Variants in CNTNAP2 observed in about 807,000 individuals in gnomAD.
CNTNAP2 encodes contactin-associated protein-like 2.
Under a neutral mutation model 155.2 loss-of-function variants are expected in CNTNAP2, and 98 were observed. That is an observed-to-expected ratio of 0.63 (90% CI 0.54 to 0.75). The LOEUF (loss-of-function observed/expected upper bound fraction) is 0.75. Ranked by LOEUF, CNTNAP2 falls within the 30% of genes least tolerant of loss-of-function variation. The probability of loss-of-function intolerance (pLI) is 0.00; values close to 1 mark genes in which losing one functional copy is unlikely to be tolerated. For missense variants in CNTNAP2, 1,727 were observed against 1,688.1 expected (o/e 1.02, Z -0.40); for synonymous variants, 651 against 631.2 (o/e 1.03, Z -0.47).
At chr7:147,003,666 G>A (rs541914732) in intron 3 of CNTNAP2, among the ~76,000 whole-genome samples, 2 of 152,086 alleles carry the variant, frequency 1.3e-5, no homozygotes, top group African/African-American at 4.8e-5. Context: ...ACAGTAAAGA[G>A]TGGATAATGG....
chr7:147,784,905 G>T (rs1797716205), intron 13 of CNTNAP2, among the ~76,000 whole-genome samples: 1 of 152,028 alleles, frequency 6.6e-6, no homozygotes. Flanking sequence ...TTGTGATGCA[G>T]TGGCTGTGGG....
chr7:148,203,699 C>T (rs894042948), intron 18 of CNTNAP2, among the ~76,000 whole-genome samples: 1 of 151,748 alleles, frequency 6.6e-6, no homozygotes, highest in South Asian at 2.1e-4. Context: ...GAGCCAAGGT[C>T]GTGTACTCCA....
intron 1 of CNTNAP2, among the ~76,000 whole-genome samples, chr7:146,507,350 C>T (rs1031524464): frequency 1.8e-4 from 28 of 152,328 alleles, no homozygotes; most frequent in African/African-American, 6.5e-4. Context: ...TGGTCACATG[C>T]ACATCAAGTT....
intron 13 of CNTNAP2, among the ~76,000 whole-genome samples, chr7:147,732,755 T>A (rs977190165): frequency 1.3e-5 from 2 of 152,244 alleles, no homozygotes; most frequent in Admixed American, 1.3e-4. Flanking sequence ...GGTATCTCAT[T>A]GTGGTTTTGA....
intron 1 of CNTNAP2, among the ~76,000 whole-genome samples, chr7:146,295,306 A>C (rs575834274): frequency 4.7e-5 from 7 of 150,460 alleles, no homozygotes; most frequent in African/African-American, 1.8e-4. Flanking sequence ...AGAGGCTGCA[A>C]AAACTGTTTT....
At chr7:147,583,503 CATATATATATATATAT>C in intron 12 of CNTNAP2, among the ~76,000 whole-genome samples, 1 of 129,148 alleles carries the variant, frequency 7.7e-6, no homozygotes, top group South Asian at 2.5e-4. Context: ...AAAGACATGA[CATATATATATATATAT>C]ATATATATAT....
At chr7:147,971,802 T>C (rs1302481243) in intron 14 of CNTNAP2, among the ~76,000 whole-genome samples, 1 of 152,238 alleles carries the variant, frequency 6.6e-6, no homozygotes, top group African/African-American at 2.4e-5. Context: ...GTCTCTTGTA[T>C]AGATATCCAG....
chr7:146,859,072 G>A (rs946374274), intron 3 of CNTNAP2, among the ~76,000 whole-genome samples: 2 of 152,230 alleles, frequency 1.3e-5, no homozygotes, highest in Non-Finnish European at 2.9e-5. Flanking sequence ...TCTTAATAAA[G>A]CAATTGAGAT....
At chr7:147,812,318 G>A (rs943161393) in intron 13 of CNTNAP2, among the ~76,000 whole-genome samples, 2 of 152,002 alleles carry the variant, frequency 1.3e-5, no homozygotes, top group African/African-American at 4.8e-5. Flanking sequence ...TTACTTTAAG[G>A]AAATTTATTT....
At chr7:146,798,142 C>A (rs542930128) in intron 2 of CNTNAP2, among the ~76,000 whole-genome samples, 1 of 152,036 alleles carries the variant, frequency 6.6e-6, no homozygotes, top group South Asian at 2.1e-4. Context: ...TATCCTAGCA[C>A]ACGCCTGCGG....
At chr7:146,930,189 A>T (rs535089072) in intron 3 of CNTNAP2, among the ~76,000 whole-genome samples, 3 of 152,306 alleles carry the variant, frequency 2.0e-5, no homozygotes, top group Admixed American at 1.3e-4. Context: ...AGCCAGAGAG[A>T]AAGGTCGGGT....
intron 6 of CNTNAP2, 104 bp downstream of exon 6, chr7:147,121,267 A>G: frequency 8.8e-7 from 1 of 1,132,780 alleles, no homozygotes. Flanking sequence ...CACCTTTTTT[A>G]TTTTCTTCTC....
chr7:148,362,117 G>A (rs1798634330), intron 21 of CNTNAP2, among the ~76,000 whole-genome samples: 1 of 152,086 alleles, frequency 6.6e-6, no homozygotes, highest in Non-Finnish European at 1.5e-5. Context: ...GCTGAGGTAG[G>A]AGAATCACTT....
chr7:146,217,226 C>A (rs974884775), intron 1 of CNTNAP2, among the ~76,000 whole-genome samples: 1 of 152,118 alleles, frequency 6.6e-6, no homozygotes, highest in Non-Finnish European at 1.5e-5. Context: ...AGAACCTTAA[C>A]GCTTTTGTGA....
intron 8 of CNTNAP2, among the ~76,000 whole-genome samples, chr7:147,294,987 G>A (rs543868010): frequency 6.6e-6 from 1 of 152,206 alleles, no homozygotes; most frequent in East Asian, 1.9e-4. Context: ...ATGTGTCTCA[G>A]CTTACTTTTC....
intron 1 of CNTNAP2, among the ~76,000 whole-genome samples, chr7:146,180,532 T>C (rs534690398): frequency 6.6e-6 from 1 of 152,270 alleles, no homozygotes; most frequent in African/African-American, 2.4e-5. Context: ...TTATTTTATT[T>C]GCATTATCTC....
intron 1 of CNTNAP2, among the ~76,000 whole-genome samples, chr7:146,650,220 A>C (rs975397353): frequency 2.0e-5 from 3 of 152,202 alleles, no homozygotes; most frequent in Admixed American, 2.0e-4. Flanking sequence ...ATTATAAATC[A>C]TTCTACTATA....
intron 1 of CNTNAP2, among the ~76,000 whole-genome samples, chr7:146,588,762 G>A (rs1798737142): frequency 6.6e-6 from 1 of 152,028 alleles, no homozygotes; most frequent in South Asian, 2.1e-4. Flanking sequence ...GCCGGCCTGT[G>A]CCTCCCAAAA....
intron 1 of CNTNAP2, among the ~76,000 whole-genome samples, chr7:146,285,496 A>T: frequency 6.6e-6 from 1 of 152,044 alleles, no homozygotes; most frequent in Non-Finnish European, 1.5e-5. Flanking sequence ...TTTTATTAAG[A>T]AGGTTTTATT....
Sources: allele counts gnomAD v4.1 joint callset (sites outside exome capture counted in the v4.1 genomes callset), GRCh38; gene constraint gnomAD v4.1.1; transcripts MANE v1.5; gene names NCBI Gene and HGNC (gene_info 2026-07-23, HGNC 2026-07-21).